The following SDK2 variants were observed in gnomAD, a reference collection of about 807,000 sequenced individuals.
SDK2 encodes the protein sidekick cell adhesion molecule 2, also known as protein sidekick-2.
Under a neutral mutation model 253.9 loss-of-function variants are expected in SDK2, and 105 were observed. The ratio of observed to expected loss-of-function variants is 0.41; its 90% confidence interval spans 0.35 to 0.49. The LOEUF (loss-of-function observed/expected upper bound fraction) is 0.49. Ranked by LOEUF, SDK2 falls within the 20% of genes least tolerant of loss-of-function variation. SDK2 has a pLI of 0.06. For missense variants in SDK2, 2,608 were observed against 3,003.0 expected (o/e 0.87, Z 3.07); for synonymous variants, 1,249 against 1,234.9 (o/e 1.01, Z -0.24).
chr17:73,408,383 A>ATT (rs538704048), intron 18 of SDK2, among the ~76,000 whole-genome samples: 9 of 17,862 alleles, frequency 5.0e-4, no homozygotes, highest in African/African-American at 1.5e-3. Context: ...GCGCCTGGCT[A>ATT]TTTTTTTTTT....
intron 1 of SDK2, among the ~76,000 whole-genome samples, chr17:73,585,634 C>T (rs570606265): frequency 6.6e-6 from 1 of 152,300 alleles, no homozygotes; most frequent in South Asian, 2.1e-4. Context: ...GTCCTCACCA[C>T]CCACCATCCT....
At chr17:73,482,823 C>A (rs1485541726) in intron 2 of SDK2, among the ~76,000 whole-genome samples, 2 of 152,192 alleles carry the variant, frequency 1.3e-5, no homozygotes, top group East Asian at 3.9e-4. Context: ...AGCGGGACTC[C>A]CACTGCTTGA....
At chr17:73,585,475 G>A (rs1216813681) in intron 1 of SDK2, among the ~76,000 whole-genome samples, 2 of 152,196 alleles carry the variant, frequency 1.3e-5, no homozygotes, top group Non-Finnish European at 2.9e-5. Context: ...TACTCTGTTC[G>A]GGTTGGTCCT....
intron 2 of SDK2, among the ~76,000 whole-genome samples, chr17:73,483,561 ATGTATATATATGTATG>A (rs1183642341): frequency 2.9e-5 from 4 of 140,180 alleles, no homozygotes; most frequent in East Asian, 2.0e-4. Flanking sequence ...ATATGTGTAT[ATGTATATATATGTATG>A]TGTATATATA....
At position 73,433,856 on chromosome 17, in the gene SDK2, CAG is replaced by C; in HGVS notation, c.1196-10_1196-9del. On this transcript the variant is annotated splice_polypyrimidine_tract_variant and intron_variant, in intron 9 of 44. Transcript: ENST00000392650. ...TGATGTTAGGGGCGATGCCTGCAAA[CAG>C]AGAAGTGGGGCCTTTTAGCCACACC... 6.6e-7 allele frequency: 1 copy of C among 1,513,116 alleles called. No homozygotes were observed. Among genetic ancestry groups the C allele is most frequent in the Non-Finnish European group, 8.9e-7 (1 of 1,128,268 alleles). The allele number at this position is 1,513,116 out of a possible 1,614,324, so 93.7% of individuals were successfully genotyped here.
At chr17:73,350,874 T>G (rs1184752316) in intron 41 of SDK2, 84 bp from the exon 42 acceptor site, 18 of 1,417,216 alleles carry the variant, frequency 1.3e-5, no homozygotes, top group Non-Finnish European at 1.6e-5. Flanking sequence ...CCCTACTAAC[T>G]GCTACAATCT....
Position 73,395,166 on chromosome 17 carries a change from G to T in SDK2, c.3581C>A (p.Thr1194Asn). ...TGAGGGGTTGGTACCTGACTCCCGG[G>T]TCCTGCCCACCACCGTCTGGCTCCA... The part of the protein sequence containing the change: ...GPWSQTVVGR[T>N]RESVPSSGPT... The change falls in exon 25 of 45, where the codon ACC becomes AAC. Residue 1194 changes from threonine (T) to asparagine (N), a missense_variant. Transcript: ENST00000392650. The surrounding 1 kb of genome is among the most constrained non-coding windows in gnomAD (Gnocchi z 4.3). 2 of 1,595,444 alleles carry T rather than the reference G, an allele frequency of 1.3e-6. No individual in the cohort carries two copies. The highest frequency in any genetic ancestry group is 1.7e-6 in the Non-Finnish European group (2 of 1,172,482).
intron 41 of SDK2, 26 bp from the exon 42 acceptor site, chr17:73,350,816 A>T: frequency 6.3e-7 from 1 of 1,584,320 alleles, no homozygotes; most frequent in South Asian, 1.1e-5. Context: ...TCAGGTATAT[A>T]GGGTGCTCAG....
At chr17:73,563,095 CGA>C (rs1249962007) in intron 1 of SDK2, among the ~76,000 whole-genome samples, 3 of 152,206 alleles carry the variant, frequency 2.0e-5, no homozygotes, top group Non-Finnish European at 4.4e-5. Flanking sequence ...CCATTGCTGG[CGA>C]GGAGGCTTGG....
chr17:73,559,769 C>A (rs573543474), intron 1 of SDK2, among the ~76,000 whole-genome samples: 1 of 152,286 alleles, frequency 6.6e-6, no homozygotes, highest in East Asian at 1.9e-4. Context: ...GAGACAAGTG[C>A]CCCTAATGCC....
At chr17:73,599,056 AAG>A (rs537290689) in intron 1 of SDK2, among the ~76,000 whole-genome samples, 33 of 152,288 alleles carry the variant, frequency 2.2e-4, no homozygotes, top group African/African-American at 7.7e-4. Flanking sequence ...TCCCCCTAGA[AAG>A]AGTTACCCCT....
chr17:73,562,703 G>GA (rs2045255352), intron 1 of SDK2, among the ~76,000 whole-genome samples: 1 of 152,182 alleles, frequency 6.6e-6, no homozygotes, highest in Non-Finnish European at 1.5e-5. Flanking sequence ...GGGGAAAAGG[G>GA]AGAGAGAAGC....
intron 1 of SDK2, among the ~76,000 whole-genome samples, chr17:73,601,990 T>C (rs1186694847): frequency 6.6e-6 from 1 of 152,132 alleles, no homozygotes; most frequent in Non-Finnish European, 1.5e-5. Flanking sequence ...GTGATCCGCC[T>C]GCCTTGGCCT....
chr17:73,593,758 T>C (rs2045716697), intron 1 of SDK2, among the ~76,000 whole-genome samples: 1 of 152,198 alleles, frequency 6.6e-6, no homozygotes, highest in Non-Finnish European at 1.5e-5. Flanking sequence ...AAAGTGGCTA[T>C]TAAATAACAC....
intron 21 of SDK2, among the ~76,000 whole-genome samples, chr17:73,400,660 A>T (rs1195875809): frequency 7.0e-6 from 1 of 143,824 alleles, no homozygotes; most frequent in Non-Finnish European, 1.5e-5. Context: ...GCCTCTTTTT[A>T]TTTTTTTTTT....
At chr17:73,523,496 G>A (rs9891071) in intron 1 of SDK2, among the ~76,000 whole-genome samples, 9,350 of 151,804 alleles carry the variant, frequency 0.062, 336 homozygotes, top group Middle Eastern at 0.13. Flanking sequence ...TGACTGATGA[G>A]AAACACGCAA....
At chr17:73,390,977 A>G (rs2062923508) in intron 28 of SDK2, among the ~76,000 whole-genome samples, 1 of 152,204 alleles carries the variant, frequency 6.6e-6, no homozygotes, top group African/African-American at 2.4e-5. Flanking sequence ...AGAGGGGAGT[A>G]GACTTGCTCA....
chr17:73,542,416 T>A (rs1303684830), intron 1 of SDK2, among the ~76,000 whole-genome samples: 1 of 152,102 alleles, frequency 6.6e-6, no homozygotes, highest in African/African-American at 2.4e-5. Context: ...TGGGTGCCTG[T>A]TGGTGGAGGG....
chr17:73,522,187 C>T (rs573983550), intron 1 of SDK2, among the ~76,000 whole-genome samples: 10 of 152,360 alleles, frequency 6.6e-5, no homozygotes, highest in South Asian at 2.1e-4. Flanking sequence ...CTGAGCGCCC[C>T]GGAGAGAGAA....
Sources: allele counts gnomAD v4.1 joint callset (sites outside exome capture counted in the v4.1 genomes callset), GRCh38; gene constraint gnomAD v4.1.1; non-coding constraint Gnocchi (gnomAD v3.1); transcripts MANE v1.5; gene names NCBI Gene and HGNC (gene_info 2026-07-23, HGNC 2026-07-21).